The following ZNF710 variants were observed in gnomAD, a reference collection of about 807,000 sequenced individuals.
ZNF710 encodes the protein zinc finger protein 710.
Under a neutral mutation model 50.6 loss-of-function variants are expected in ZNF710, and 13 were observed. The observed-to-expected ratio is 0.26, with a 90% CI of 0.17 to 0.41. The LOEUF is 0.41. Among genes scored for constraint, ZNF710 ranks in the 10% least tolerant of loss-of-function variants. The pLI is 1.00. For synonymous variants in ZNF710, 383 were observed against 397.0 expected, an observed-to-expected ratio of 0.96 and a Z score of 0.42; for missense variants, 721 against 936.6, an observed-to-expected ratio of 0.77 and a Z score of 3.01.
rs1338951395 is a variant in ZNF710, at chr15:90,034,217, G to GAAA, written c.-29+32605_-29+32607dup. Among the ~76,000 whole-genome samples, 3 of 151,750 alleles carry GAAA rather than the reference G, an allele frequency of 2.0e-5. No homozygotes were observed. Among genetic ancestry groups the GAAA allele is most frequent in the Non-Finnish European group, 4.4e-5 (3 of 67,932 alleles). On this transcript the variant is annotated intron_variant, in intron 1 of 4. Transcript: ENST00000268154. This position sits in a 1 kb window ranked among gnomAD's most constrained non-coding sequence, Gnocchi z 4.0. ...TGTCTCAAAAAAAAAGAAAAGAAAAGAAAAGAAAAGAAAACAGGTGAACGA... is the reference window on the plus strand; with the variant it reads ...TGTCTCAAAAAAAAAGAAAAGAAAAGAAAAAAAGAAAAGAAAACAGGTGAACGA...
At chr15:90,078,341 A>T (rs1900643360) in intron 4 of ZNF710, among the ~76,000 whole-genome samples, 1 of 152,174 alleles carries the variant, frequency 6.6e-6, no homozygotes, top group Non-Finnish European at 1.5e-5. Flanking sequence ...AGCTGCGAAT[A>T]TCCTCATGGT....
rs1898010433 is a variant in ZNF710 at position 90,001,558 on chromosome 15, CCCGG to C, written c.-82_-79del. On this transcript the variant is annotated 5_prime_UTR_variant, in exon 1 of 5. Coordinates refer to ENST00000268154, the MANE Select transcript of ZNF710 (RefSeq NM_198526.4). ...GCGGTGGGCAGCCAGGAGCCCCCGGCCCGGCCCGGCCCGGCCCGCCGAGGGCCCC... is the reference window on the plus strand; with the variant it reads ...GCGGTGGGCAGCCAGGAGCCCCCGGCCCCGGCCCGGCCCGCCGAGGGCCCC... The C allele has an allele frequency of 6.9e-6, 1 of 145,244 alleles. No individual in the cohort carries two copies. Among genetic ancestry groups the C allele is most frequent in the South Asian group, 1.9e-4 (1 of 5,230 alleles). The allele number at this position is 145,244 out of a possible 1,614,324, so 9.0% of individuals were successfully genotyped here.
rs1266590077 is a variant in ZNF710 at position 90,067,101 on chromosome 15, C to A, written c.-28-9C>A. On this transcript the variant is annotated splice_polypyrimidine_tract_variant and intron_variant, in intron 1 of 4. Coordinates refer to ENST00000268154, the MANE Select transcript of ZNF710 (RefSeq NM_198526.4). The surrounding 1 kb of genome is among the most constrained non-coding windows in gnomAD (Gnocchi z 8.1). Reference sequence around the variant, plus strand: ...CCAGCAATATTAACCTTCCCTTCTCCACCCACAGCGATGCCCTCCTAGCTA... The same window carrying A: ...CCAGCAATATTAACCTTCCCTTCTCAACCCACAGCGATGCCCTCCTAGCTA... 6.4e-7 allele frequency: 1 copy of A among 1,550,892 alleles called. No individual in the cohort carries two copies. Among genetic ancestry groups the A allele is most frequent in the African/African-American group, 1.4e-5 (1 of 72,902 alleles).
chr15:90,011,204 A>G (rs1339899300), intron 1 of ZNF710, among the ~76,000 whole-genome samples: 1 of 152,170 alleles, frequency 6.6e-6, no homozygotes, highest in East Asian at 1.9e-4. Context: ...TGCTGGGATT[A>G]CAGGCGTGAG....
At chr15:90,028,874 T>C (rs1257274058) in intron 1 of ZNF710, among the ~76,000 whole-genome samples, 1 of 152,252 alleles carries the variant, frequency 6.6e-6, no homozygotes, top group South Asian at 2.1e-4. Context: ...GGACACCAGA[T>C]TGTATACACT....
chr15:90,016,310 C>G (rs1178265847), intron 1 of ZNF710, among the ~76,000 whole-genome samples: 1 of 152,174 alleles, frequency 6.6e-6, no homozygotes, highest in African/African-American at 2.4e-5. Flanking sequence ...GACCGAGAAA[C>G]TGAAGCTCAG....
At chr15:90,078,317 C>T (rs2151541979) in intron 4 of ZNF710, among the ~76,000 whole-genome samples, 1 of 152,288 alleles carries the variant, frequency 6.6e-6, no homozygotes, top group East Asian at 1.9e-4. Flanking sequence ...GAGGCTTCCT[C>T]TGTCCACAGC....
At chr15:90,074,008 A>G in intron 3 of ZNF710, 108 bp from the exon 4 acceptor site, 1 of 1,251,704 alleles carries the variant, frequency 8.0e-7, no homozygotes, top group Non-Finnish European at 1.1e-6. Flanking sequence ...AACAAAAAAA[A>G]AAAACAAAAG....
At chr15:90,009,902 T>G (rs74035092) in intron 1 of ZNF710, among the ~76,000 whole-genome samples, 2,160 of 152,240 alleles carry the variant, frequency 0.014, 52 homozygotes, top group African/African-American at 0.05. Context: ...CCATCTTGTG[T>G]GACTTCCTCT....
intron 1 of ZNF710, among the ~76,000 whole-genome samples, chr15:90,054,904 C>T (rs1042424600): frequency 2.0e-5 from 3 of 152,142 alleles, no homozygotes; most frequent in East Asian, 1.9e-4. Flanking sequence ...GGAAAAGAGG[C>T]GGGCAGGGTC....
chr15:90,023,685 A>G (rs1898688681), intron 1 of ZNF710, among the ~76,000 whole-genome samples: 1 of 152,110 alleles, frequency 6.6e-6, no homozygotes, highest in African/African-American at 2.4e-5. Flanking sequence ...CCCCAACTCT[A>G]TTAAAAGCAA....
At chr15:90,074,625 C>T in intron 4 of ZNF710, 1 of 807,188 alleles carries the variant, frequency 1.2e-6, no homozygotes, top group Non-Finnish European at 1.7e-6. Flanking sequence ...TTTACAGATG[C>T]AGAAACTGAA....
chr15:89,998,524 G>A (rs1263611232), upstream of ZNF710, among the ~76,000 whole-genome samples: 3 of 152,188 alleles, frequency 2.0e-5, no homozygotes, highest in African/African-American at 7.2e-5. Context: ...TTGAAGGAAT[G>A]CTTCCCCCTC....
intron 1 of ZNF710, among the ~76,000 whole-genome samples, chr15:90,058,738 C>CAT (rs1567236974): frequency 6.8e-6 from 1 of 146,142 alleles, no homozygotes; most frequent in African/African-American, 2.7e-5. Context: ...TACACACACA[C>CAT]GTACACAGAG....
At chr15:90,030,719 T>TAAA (rs879389817) in intron 1 of ZNF710, among the ~76,000 whole-genome samples, 1 of 143,160 alleles carries the variant, frequency 7.0e-6, no homozygotes. Flanking sequence ...CATTTCAAAT[T>TAAA]AAAAAAAAAA....
At chr15:90,012,556 C>T (rs558564292) in intron 1 of ZNF710, among the ~76,000 whole-genome samples, 1 of 152,172 alleles carries the variant, frequency 6.6e-6, no homozygotes, top group East Asian at 1.9e-4. Flanking sequence ...AGGCGTGAGC[C>T]TCCATGCCTG....
chr15:90,009,984 A>G (rs554840624), intron 1 of ZNF710, among the ~76,000 whole-genome samples: 27 of 152,220 alleles, frequency 1.8e-4, no homozygotes, highest in African/African-American at 6.5e-4. Flanking sequence ...ATTGTCATGA[A>G]TAGTCTTCTC....
chr15:90,020,625 C>T (rs888615074), intron 1 of ZNF710, among the ~76,000 whole-genome samples: 19 of 152,228 alleles, frequency 1.2e-4, no homozygotes, highest in African/African-American at 4.1e-4. Flanking sequence ...AAATGAGAGG[C>T]GCAGTTTGGG....
chr15:90,023,720 A>G (rs930795303), intron 1 of ZNF710, among the ~76,000 whole-genome samples: 1 of 152,070 alleles, frequency 6.6e-6, no homozygotes, highest in African/African-American at 2.4e-5. Flanking sequence ...ATGCTTGACC[A>G]GGCATGGTGG....
Sources: allele counts gnomAD v4.1 joint callset (sites outside exome capture counted in the v4.1 genomes callset), GRCh38; gene constraint gnomAD v4.1.1; non-coding constraint Gnocchi (gnomAD v3.1); transcripts MANE v1.5; gene names NCBI Gene and HGNC (gene_info 2026-07-23, HGNC 2026-07-21).